AGAP1: variants seen among roughly 807,000 people sequenced by gnomAD.
AGAP1 encodes the protein ArfGAP with GTPase domain, ankyrin repeat and PH domain 1, also known as arf-GAP with GTPase, ANK repeat and PH domain-containing protein 1.
AGAP1 carries 29 observed loss-of-function variants against 105.3 expected under a neutral mutation model. That is an observed-to-expected ratio of 0.28 (90% confidence interval 0.21 to 0.38). AGAP1 has a LOEUF of 0.38. Among genes scored for constraint, AGAP1 ranks in the 10% least tolerant of loss-of-function variants. The probability of loss-of-function intolerance (pLI) is 1.00; values close to 1 mark genes in which losing one functional copy is unlikely to be tolerated. For synonymous variants in AGAP1, 509 were observed against 485.9 expected (o/e 1.05, Z -0.63); for missense variants, 998 against 1,165.1 (o/e 0.86, Z 2.09).
chr2:235,686,550 T>TACACACAC (rs530198533), intron 1 of AGAP1, among the ~76,000 whole-genome samples: 189 of 90,192 alleles, frequency 2.1e-3, no homozygotes, highest in African/African-American at 8.9e-3. Context: ...GAAGGAGATA[T>TACACACAC]ATATATACAC....
chr2:235,735,877 C>A (rs958713438), intron 3 of AGAP1, among the ~76,000 whole-genome samples: 1 of 152,006 alleles, frequency 6.6e-6, no homozygotes, highest in African/African-American at 2.4e-5. Flanking sequence ...TGAGTTCAGA[C>A]AAGAAGATGG....
intron 12 of AGAP1, among the ~76,000 whole-genome samples, chr2:235,937,887 C>G (rs529910258): frequency 3.7e-4 from 57 of 152,358 alleles, no homozygotes; most frequent in African/African-American, 1.3e-3. Context: ...GTGCCACGGT[C>G]AGGAAGCCCC....
chr2:235,973,719 A>G lies in AGAP1; in HGVS notation c.1645+5096A>G, dbSNP rs977286748. ...CTCAAGGAGGTGGATTTTGATTCTG[A>G]TATTAAAAGCTCTAGAAAAAGCTCT... is the stretch of plus-strand genomic sequence containing the variant. On this transcript the variant is annotated intron_variant, in intron 13 of 17. Transcript: ENST00000304032. The surrounding 1 kb of genome is among the most constrained non-coding windows in gnomAD (Gnocchi z 4.7). Among the ~76,000 whole-genome samples, 1 of 152,154 alleles carries G rather than the reference A, an allele frequency of 6.6e-6. No individual in the cohort carries two copies. Among genetic ancestry groups the G allele is most frequent in the Non-Finnish European group, 1.5e-5 (1 of 68,036 alleles).
Position 236,044,708 on chromosome 2 carries a change from A to G in AGAP1, c.1891+3867A>G, listed in dbSNP as rs1343684334. Among the ~76,000 whole-genome samples, 1 of 152,064 alleles carries G rather than the reference A, an allele frequency of 6.6e-6. No homozygotes were observed. On this transcript the variant is annotated intron_variant, in intron 15 of 17. Transcript: ENST00000304032. This position sits in a 1 kb window ranked among gnomAD's most constrained non-coding sequence, Gnocchi z 5.7. The stretch of plus-strand genomic sequence containing the variant: ...CACAAATAGAACCTCCGGTCCCGCA[A>G]CGTCGGGTCTCCTTCCCATTGTCGC...
intron 13 of AGAP1, among the ~76,000 whole-genome samples, chr2:236,028,232 G>T (rs2057115727): frequency 6.6e-6 from 1 of 152,144 alleles, no homozygotes; most frequent in Non-Finnish European, 1.5e-5. Flanking sequence ...GTTGGGCCTT[G>T]TTGGTGTTTC....
At position 235,877,310 on chromosome 2, in the gene AGAP1, T is replaced by C. The variant is rs1180395355; in HGVS notation, c.1051-6035T>C. 6.6e-5 allele frequency among the ~76,000 whole-genome samples: 10 copies of C among 152,218 alleles called. No individual in the cohort carries two copies. The highest frequency in any genetic ancestry group is 6.5e-4 in the Admixed American group (10 of 15,288). ...TATATTTATTAAACATTTAAATTAATACCATTAATTTACTGTGCATTTAAT... is the reference window on the plus strand; with the variant it reads ...TATATTTATTAAACATTTAAATTAACACCATTAATTTACTGTGCATTTAAT... On this transcript the variant is annotated intron_variant, in intron 9 of 17. Transcript: ENST00000304032. The surrounding 1 kb of genome is among the most constrained non-coding windows in gnomAD (Gnocchi z 4.3).
At chr2:235,717,789 G>T in intron 3 of AGAP1, 145 bp downstream of exon 3, 1 of 689,442 alleles carries the variant, frequency 1.5e-6, no homozygotes, top group Non-Finnish European at 2.4e-6. Flanking sequence ...TAAGTATGTG[G>T]TTTCTTCTGT....
At chr2:236,079,107 A>G (rs1480010538) in intron 16 of AGAP1, among the ~76,000 whole-genome samples, 4 of 152,160 alleles carry the variant, frequency 2.6e-5, no homozygotes, top group African/African-American at 9.7e-5. Context: ...GCATCTAGAC[A>G]GAGAGTTCCA....
At chr2:235,677,661 G>T (rs1468083960) in intron 1 of AGAP1, among the ~76,000 whole-genome samples, 3 of 141,252 alleles carry the variant, frequency 2.1e-5, no homozygotes, top group Admixed American at 1.4e-4. Flanking sequence ...ACGATTGTCA[G>T]AGGGAATCTT....
At chr2:235,637,336 G>A (rs1275016672) in intron 1 of AGAP1, among the ~76,000 whole-genome samples, 5 of 152,066 alleles carry the variant, frequency 3.3e-5, no homozygotes, top group Non-Finnish European at 4.4e-5. Flanking sequence ...ACAGTGGCGC[G>A]GTCATAGCTC....
chr2:235,538,490 G>A lies in AGAP1; in HGVS notation c.163+43641G>A, dbSNP rs1028093005. Among the ~76,000 whole-genome samples, 5 of 131,282 alleles carry A rather than the reference G, an allele frequency of 3.8e-5. No individual in the cohort carries two copies. The Admixed American group carries it at 4.2e-4, about 11-fold the overall frequency. 86.1% of individuals were successfully genotyped at this position (131,282 alleles called of 152,430 possible). A position where few individuals can be genotyped will look rare whatever the true frequency, so the allele number is the denominator to read the frequency against. On this transcript the variant is annotated intron_variant, in intron 1 of 17. Transcript: ENST00000304032. ...GCTTGTACGCCTGTGCACAGAGGGT[G>A]GGAAGAGGGCTTGCACCTAAGTCCT... is the stretch of plus-strand genomic sequence containing the variant.
At chr2:235,932,978 G>A (rs2052797269) in intron 12 of AGAP1, among the ~76,000 whole-genome samples, 3 of 152,192 alleles carry the variant, frequency 2.0e-5, no homozygotes, top group Admixed American at 6.5e-5. Flanking sequence ...ACACACGTGG[G>A]TGTCCATTAA....
intron 6 of AGAP1, among the ~76,000 whole-genome samples, chr2:235,756,988 C>T (rs890824935): frequency 6.6e-6 from 1 of 151,866 alleles, no homozygotes. Flanking sequence ...ATTTTCTGAA[C>T]CTTCTAGTCA....
chr2:235,681,165 T>C (rs1017344881), intron 1 of AGAP1, among the ~76,000 whole-genome samples: 1 of 152,130 alleles, frequency 6.6e-6, no homozygotes, highest in Non-Finnish European at 1.5e-5. Flanking sequence ...CCCACCACCA[T>C]GCCCAGCTAA....
At position 236,125,414 on chromosome 2, in the gene AGAP1, T is replaced by G. The variant is rs1040855839; in HGVS notation, c.*1292T>G. On this transcript the variant is annotated 3_prime_UTR_variant, in exon 18 of 18. Transcript: ENST00000304032. This position sits in a 1 kb window ranked among gnomAD's most constrained non-coding sequence, Gnocchi z 5.2. ...ACTTCCATTAATGTGATCTACGGCTTTTGAAAAGGAGCATCTCAGAATAAG... is the reference window on the plus strand; with the variant it reads ...ACTTCCATTAATGTGATCTACGGCTGTTGAAAAGGAGCATCTCAGAATAAG... 9 of 152,398 alleles carry G rather than the reference T, an allele frequency of 5.9e-5. No homozygotes were observed. Among genetic ancestry groups the G allele is most frequent in the African/African-American group, 2.2e-4 (9 of 41,396 alleles). 9.4% of individuals were successfully genotyped at this position (152,398 alleles called of 1,614,324 possible).
rs911362119 is a variant in AGAP1 at position 235,577,751 on chromosome 2, G to A, written c.163+82902G>A. ...GTAAACAAAAAGTGCATTCAACACA[G>A]GCTTGTCTGCTGGCCTCCCCCGGGA... On this transcript the variant is annotated intron_variant, in intron 1 of 17. Coordinates refer to ENST00000304032, the MANE Select transcript of AGAP1 (RefSeq NM_001037131.3). The surrounding 1 kb of genome is among the most constrained non-coding windows in gnomAD (Gnocchi z 4.5). Among the ~76,000 whole-genome samples the A allele has an allele frequency of 6.6e-6, 1 of 152,170 alleles. No homozygotes were observed. The highest frequency in any genetic ancestry group is 2.4e-5 in the African/African-American group (1 of 41,438).
chr2:235,696,867 C>G (rs1276119605), intron 1 of AGAP1, among the ~76,000 whole-genome samples: 1 of 152,088 alleles, frequency 6.6e-6, no homozygotes, highest in Non-Finnish European at 1.5e-5. Flanking sequence ...GTCTGTAATC[C>G]TAGCTACTCG....
rs1008482258 is a variant in AGAP1 at position 235,799,916 on chromosome 2, T to G, written c.957+394T>G. Among the ~76,000 whole-genome samples, 4 of 152,006 alleles carry G rather than the reference T, an allele frequency of 2.6e-5. No homozygotes were observed. Among genetic ancestry groups the G allele is most frequent in the Non-Finnish European group, 5.9e-5 (4 of 67,994 alleles). On this transcript the variant is annotated intron_variant, in intron 8 of 17. Coordinates refer to ENST00000304032, the MANE Select transcript of AGAP1 (RefSeq NM_001037131.3). The surrounding 1 kb of genome is among the most constrained non-coding windows in gnomAD (Gnocchi z 5.0). The stretch of plus-strand genomic sequence containing the variant: ...TACTGTCCACAGGCCCTCTTCTTCT[T>G]CTGCTGGGGTGCCTGGCGCTGCCCT...
chr2:236,054,286 G>A (rs970705788), intron 16 of AGAP1, among the ~76,000 whole-genome samples: 100 of 152,280 alleles, frequency 6.6e-4, no homozygotes, highest in Non-Finnish European at 1.3e-3. Flanking sequence ...AGATCACAAT[G>A]TAGTAATCTC....
Sources: allele counts gnomAD v4.1 joint callset (sites outside exome capture counted in the v4.1 genomes callset), GRCh38; gene constraint gnomAD v4.1.1; non-coding constraint Gnocchi (gnomAD v3.1); transcripts MANE v1.5; gene names NCBI Gene and HGNC (gene_info 2026-07-23, HGNC 2026-07-21).